The following RPS6KA2 variants were observed in gnomAD, a reference collection of about 807,000 sequenced individuals.
RPS6KA2 encodes the protein ribosomal protein S6 kinase A2.
In RPS6KA2, 42 loss-of-function variants were observed where a neutral mutation model predicts 91.8. The ratio of observed to expected loss-of-function variants is 0.46; its 90% CI spans 0.36 to 0.59. The LOEUF is 0.59. Among genes scored for constraint, RPS6KA2 ranks in the 20% least tolerant of loss-of-function variants. The probability of loss-of-function intolerance (pLI) is 0.00; values close to 1 mark genes in which losing one functional copy is unlikely to be tolerated. For missense variants in RPS6KA2, 798 were observed against 978.5 expected (o/e 0.82, Z 2.46); for synonymous variants, 414 against 393.6 (o/e 1.05, Z -0.61).
At chr6:166,765,841 G>A (rs1366306484) in intron 2 of RPS6KA2, among the ~76,000 whole-genome samples, 1 of 152,220 alleles carries the variant, frequency 6.6e-6, no homozygotes, top group Admixed American at 6.5e-5. Context: ...ATGAAGAATT[G>A]GCTGGGGCAA....
At chr6:166,765,231 G>A (rs191315739) in intron 2 of RPS6KA2, among the ~76,000 whole-genome samples, 18 of 152,324 alleles carry the variant, frequency 1.2e-4, no homozygotes, top group African/African-American at 1.7e-4. Context: ...TGCTCCTGAC[G>A]CTGGACTCCA....
intron 2 of RPS6KA2, among the ~76,000 whole-genome samples, chr6:166,802,081 C>T (rs1055555419): frequency 6.6e-6 from 1 of 151,966 alleles, no homozygotes; most frequent in Non-Finnish European, 1.5e-5. Context: ...CACGGTGAAA[C>T]CCCATCTCTA....
chr6:166,665,649 C>T lies in RPS6KA2; in HGVS notation c.124-126865G>A, dbSNP rs551897420. On this transcript the variant is annotated intron_variant, in intron 2 of 21. Transcript: ENST00000503859. This position sits in a 1 kb window ranked among gnomAD's most constrained non-coding sequence, Gnocchi z 4.5. ...GTGCGACCCTCATTAGAACAAGCAC[C>T]GGAGACATGAAGTTTGCTACTGAAG... 7.2e-5 allele frequency among the ~76,000 whole-genome samples: 11 copies of T among 152,266 alleles called. No individual in the cohort carries two copies. The highest frequency in any genetic ancestry group is 1.9e-4 in the East Asian group (1 of 5,178).
At chr6:166,608,571 A>G (rs1017017643) in intron 1 of RPS6KA2, among the ~76,000 whole-genome samples, 6 of 152,220 alleles carry the variant, frequency 3.9e-5, no homozygotes, top group African/African-American at 7.2e-5. Context: ...CAGGGAAAAC[A>G]TAACAAGTTG....
At chr6:166,446,711 G>A (rs930812648) in intron 14 of RPS6KA2, among the ~76,000 whole-genome samples, 1 of 152,232 alleles carries the variant, frequency 6.6e-6, no homozygotes, top group Non-Finnish European at 1.5e-5. Flanking sequence ...TTTACTTGCA[G>A]AGGCACAAAA....
At chr6:166,481,360 G>T (rs1366689293) in intron 10 of RPS6KA2, among the ~76,000 whole-genome samples, 2 of 152,232 alleles carry the variant, frequency 1.3e-5, no homozygotes, top group East Asian at 3.8e-4. Context: ...CTAATTTGTG[G>T]CTTTAAAAAG....
chr6:166,698,592 C>G (rs74658617), intron 2 of RPS6KA2, among the ~76,000 whole-genome samples: 11,189 of 152,224 alleles, frequency 0.074, 532 homozygotes, highest in African/African-American at 0.12. Flanking sequence ...ACATGGAGAA[C>G]AGGAAACACT....
chr6:166,770,223 T>G lies in RPS6KA2; in HGVS notation c.123+87977A>C, dbSNP rs1041343148. On this transcript the variant is annotated intron_variant, in intron 2 of 21. Transcript: ENST00000503859. This position sits in a 1 kb window ranked among gnomAD's most constrained non-coding sequence, Gnocchi z 5.1. ...CACCTGAGTGTTGCAGCCCAAAGCA[T>G]TGAAAACAGCTATTAAACTATCTTT... 4.6e-5 allele frequency among the ~76,000 whole-genome samples: 7 copies of G among 152,224 alleles called. No homozygotes were observed. Among genetic ancestry groups the G allele is most frequent in the African/African-American group, 1.7e-4 (7 of 41,456 alleles).
chr6:166,451,626 T>C (rs1477510582), intron 12 of RPS6KA2, among the ~76,000 whole-genome samples: 1 of 152,200 alleles, frequency 6.6e-6, no homozygotes, highest in African/African-American at 2.4e-5. Context: ...GATGGAATTG[T>C]CAGTGAACAT....
chr6:166,500,731 A>G lies in RPS6KA2; in HGVS notation c.604+156T>C, dbSNP rs1274772922. On this transcript the variant is annotated intron_variant, in intron 7 of 20. Coordinates refer to ENST00000265678, the MANE Select transcript of RPS6KA2 (RefSeq NM_021135.6). This position sits in a 1 kb window ranked among gnomAD's most constrained non-coding sequence, Gnocchi z 4.3. ...CGTTATGAAGACATACAATGCCATA[A>G]GCAGTCTGTAGCTATAGAAAATTCT... 2.0e-5 allele frequency among the ~76,000 whole-genome samples: 3 copies of G among 152,178 alleles called. No homozygotes were observed. Among genetic ancestry groups the G allele is most frequent in the African/African-American group, 7.2e-5 (3 of 41,448 alleles).
At chr6:166,617,038 A>C (rs1267921029) in intron 1 of RPS6KA2, among the ~76,000 whole-genome samples, 1 of 152,238 alleles carries the variant, frequency 6.6e-6, no homozygotes, top group Admixed American at 6.5e-5. Context: ...GCCTGACAGA[A>C]GGTGCCGGGC....
At chr6:166,475,145 G>T (rs1011235551) in intron 10 of RPS6KA2, among the ~76,000 whole-genome samples, 1 of 150,630 alleles carries the variant, frequency 6.6e-6, no homozygotes, top group Non-Finnish European at 1.5e-5. Context: ...CCTCTATCGT[G>T]GGATGTGCCC....
intron 2 of RPS6KA2, among the ~76,000 whole-genome samples, chr6:166,708,970 A>G (rs1043830675): frequency 6.6e-6 from 1 of 152,250 alleles, no homozygotes; most frequent in Non-Finnish European, 1.5e-5. Context: ...ATGAAATAGA[A>G]GTGACACACC....
chr6:166,529,070 G>A (rs1424932453), intron 3 of RPS6KA2, among the ~76,000 whole-genome samples: 1 of 152,100 alleles, frequency 6.6e-6, no homozygotes, highest in East Asian at 1.9e-4. Flanking sequence ...CCCATTACTG[G>A]GTATATACCC....
chr6:166,731,798 T>A (rs886650328), intron 2 of RPS6KA2, among the ~76,000 whole-genome samples: 3 of 151,970 alleles, frequency 2.0e-5, no homozygotes, highest in Non-Finnish European at 4.4e-5. Context: ...CTCCACCACC[T>A]AGATAGAAGT....
At position 166,662,840 on chromosome 6, in the gene RPS6KA2, C is replaced by T. The variant is rs149082046; in HGVS notation, c.124-124056G>A. On this transcript the variant is annotated intron_variant, in intron 2 of 21. Transcript: ENST00000503859. This position sits in a 1 kb window ranked among gnomAD's most constrained non-coding sequence, Gnocchi z 4.3. ...AGGGGAATTCCATTAAATGAGGCCT[C>T]GGAGTGGGTGCTTATCCGCTCTGAC... Among the ~76,000 whole-genome samples the T allele has an allele frequency of 1.3e-3, 199 of 152,206 alleles. No homozygotes were observed. The highest frequency in any genetic ancestry group is 4.6e-3 in the African/African-American group (189 of 41,510).
intron 2 of RPS6KA2, among the ~76,000 whole-genome samples, chr6:166,670,507 C>T (rs557448682): frequency 6.6e-6 from 1 of 152,238 alleles, no homozygotes; most frequent in Admixed American, 6.5e-5. Flanking sequence ...TAGTACACCT[C>T]GTAAAAAATT....
intron 2 of RPS6KA2, among the ~76,000 whole-genome samples, chr6:166,808,682 C>A (rs1398842346): frequency 6.6e-6 from 1 of 152,098 alleles, no homozygotes; most frequent in Non-Finnish European, 1.5e-5. Flanking sequence ...AAGTCAGTTT[C>A]CATTAAAGAA....
In RPS6KA2 at chr6:166,495,958, G is replaced by A. The variant is rs560022661; in HGVS notation, c.747+2550C>T. On this transcript the variant is annotated intron_variant, in intron 8 of 20. Transcript: ENST00000265678. The surrounding 1 kb of genome is among the most constrained non-coding windows in gnomAD (Gnocchi z 4.4). ...TCATTTCCTCTTCTTCTGGCCCCTC[G>A]TCGTGTCTCCATCTTTGGATCATTC... Among the ~76,000 whole-genome samples the A allele has an allele frequency of 2.0e-5, 3 of 152,206 alleles. No individual in the cohort carries two copies. The highest frequency in any genetic ancestry group is 6.5e-5 in the Admixed American group (1 of 15,280).
Sources: gnomAD v4.1 joint callset for allele counts (sites outside exome capture counted in the v4.1 genomes callset) on GRCh38, gnomAD v4.1.1 for gene constraint, Gnocchi (gnomAD v3.1) non-coding constraint, MANE v1.5 for transcripts, NCBI Gene and HGNC (gene_info 2026-07-23, HGNC 2026-07-21) for gene names.